PCSK5: variants seen among roughly 807,000 people sequenced by gnomAD.
The protein encoded by PCSK5 is prohormone convertase 5.
PCSK5 carries 129 observed loss-of-function variants against 233.2 expected under a neutral mutation model. The observed-to-expected ratio is 0.55, with a 90% CI of 0.48 to 0.64. The LOEUF is 0.64. Among genes scored for constraint, PCSK5 ranks in the 30% least tolerant of loss-of-function variants. The probability of loss-of-function intolerance (pLI) is 0.00; values close to 1 mark genes in which losing one functional copy is unlikely to be tolerated. For synonymous variants in PCSK5, 825 were observed against 879.2 expected, an observed-to-expected ratio of 0.94 and a Z score of 1.09; for missense variants, 2,076 against 2,430.1, an observed-to-expected ratio of 0.85 and a Z score of 3.06.
chr9:76,193,581 T>G, intron 20 of PCSK5: 1 of 445,038 alleles, frequency 2.2e-6, no homozygotes. Context: ...CTTTTATAAC[T>G]GGGTGTTTAG....
intron 30 of PCSK5, among the ~76,000 whole-genome samples, chr9:76,315,940 T>G (rs140723062): frequency 0.091 from 13,289 of 145,352 alleles, 810 homozygotes; most frequent in African/African-American, 0.18. Context: ...TTTTTTTTTT[T>G]TTTTTTTTTT....
At chr9:76,136,987 T>TA (rs1470079399) in intron 10 of PCSK5, among the ~76,000 whole-genome samples, 1 of 152,042 alleles carries the variant, frequency 6.6e-6, no homozygotes, top group Admixed American at 6.6e-5. Flanking sequence ...CCAACCTCCT[T>TA]ACATTTCTTC....
chr9:75,966,259 T>C (rs1825581657), intron 2 of PCSK5, among the ~76,000 whole-genome samples: 1 of 152,230 alleles, frequency 6.6e-6, no homozygotes, highest in Non-Finnish European at 1.5e-5. Context: ...GAAGTCAATC[T>C]TGACAGATTG....
intron 20 of PCSK5, among the ~76,000 whole-genome samples, chr9:76,221,142 G>A (rs1202941378): frequency 6.6e-6 from 1 of 152,208 alleles, no homozygotes; most frequent in Non-Finnish European, 1.5e-5. Context: ...ACATGGAATT[G>A]CCTTTTAAAG....
Position 76,338,223 on chromosome 9 carries a change from G to A in PCSK5, c.4749-7G>A. ...CTATTCCATCTTTTCTTCTCCTTTG[G>A]TTTCAGATATTACGCAGACAACTCC... is the stretch of plus-strand genomic sequence containing the variant. On this transcript the variant is annotated splice_region_variant and splice_polypyrimidine_tract_variant and intron_variant, in intron 34 of 37. Coordinates refer to ENST00000674117, the MANE Select transcript of PCSK5 (RefSeq NM_001372043.1). The A allele has an allele frequency of 1.1e-5, 17 of 1,604,824 alleles. No individual in the cohort carries two copies. The highest frequency in any genetic ancestry group is 1.4e-5 in the Non-Finnish European group (16 of 1,174,510).
At chr9:76,263,291 G>A (rs558764514) in intron 24 of PCSK5, among the ~76,000 whole-genome samples, 40 of 152,282 alleles carry the variant, frequency 2.6e-4, no homozygotes, top group Admixed American at 8.5e-4. Flanking sequence ...TATAACCAAA[G>A]GACTATAAAT....
At chr9:76,211,445 T>C (rs1825325551) in intron 20 of PCSK5, among the ~76,000 whole-genome samples, 2 of 152,198 alleles carry the variant, frequency 1.3e-5, no homozygotes, top group African/African-American at 4.8e-5. Context: ...ATTATTAGCT[T>C]CTTCATCTGT....
rs1830423640 is a variant in PCSK5 at position 76,361,024 on chromosome 9, A to C, written c.*2102A>C. 6.6e-6 allele frequency: 1 copy of C among 152,178 alleles called. No homozygotes were observed. Among genetic ancestry groups the C allele is most frequent in the Non-Finnish European group, 1.5e-5 (1 of 68,038 alleles). 9.4% of individuals were successfully genotyped at this position (152,178 alleles called of 1,614,324 possible). On this transcript the variant is annotated 3_prime_UTR_variant, in exon 38 of 38. Transcript: ENST00000674117. ...GAGATCATACATGTACATGTATGAT[A>C]TGCCTCCAAAAATTTTGATCATTTA... is the stretch of plus-strand genomic sequence containing the variant.
At chr9:76,147,309 A>G (rs1335381279) in intron 10 of PCSK5, among the ~76,000 whole-genome samples, 1 of 152,240 alleles carries the variant, frequency 6.6e-6, no homozygotes, top group Non-Finnish European at 1.5e-5. Flanking sequence ...TGGGATAACC[A>G]TATAAAAAGA....
At chr9:75,947,863 A>G (rs367826116) in intron 2 of PCSK5, among the ~76,000 whole-genome samples, 2 of 152,272 alleles carry the variant, frequency 1.3e-5, no homozygotes, top group East Asian at 1.9e-4. Context: ...TATTTTAGAG[A>G]CAGGGCCTCA....
chr9:76,149,495 G>A lies in PCSK5; in HGVS notation c.1313-7550G>A, dbSNP rs555035590. Reference sequence around the variant, plus strand: ...AAATTAAATAAAGAATTATCTAAAAGTAATATGTAAATAATCCACAAATAG... The same window carrying A: ...AAATTAAATAAAGAATTATCTAAAAATAATATGTAAATAATCCACAAATAG... On this transcript the variant is annotated intron_variant, in intron 10 of 37. Transcript: ENST00000674117. Among the ~76,000 whole-genome samples the A allele has an allele frequency of 1.6e-4, 24 of 152,268 alleles. No individual in the cohort carries two copies. The East Asian group carries it at 4.6e-3, about 29-fold the overall frequency.
intron 5 of PCSK5, among the ~76,000 whole-genome samples, chr9:76,066,094 T>G (rs1830276727): frequency 6.6e-6 from 1 of 152,176 alleles, no homozygotes; most frequent in Admixed American, 6.5e-5. Flanking sequence ...TTATTTTGCT[T>G]GGGATTGTTT....
In PCSK5 at chr9:76,188,418, A is replaced by G. The variant is rs375900033; in HGVS notation, c.2283-160A>G. Among the ~76,000 whole-genome samples the G allele has an allele frequency of 3.9e-5, 6 of 151,954 alleles. No homozygotes were observed. In the East Asian group the frequency reaches 5.8e-4, roughly 15 times the overall value. On this transcript the variant is annotated intron_variant, in intron 17 of 37. Coordinates refer to ENST00000674117, the MANE Select transcript of PCSK5 (RefSeq NM_001372043.1). Reference sequence around the variant, plus strand: ...GAAGCATTATAAGCATTGAGAGGAGAAAAAAAAGGGTACACGGGCTATTTC... The same window carrying G: ...GAAGCATTATAAGCATTGAGAGGAGGAAAAAAAGGGTACACGGGCTATTTC...
At chr9:76,027,701 A>G (rs1828488723) in intron 5 of PCSK5, among the ~76,000 whole-genome samples, 1 of 152,086 alleles carries the variant, frequency 6.6e-6, no homozygotes, top group Admixed American at 6.6e-5. Flanking sequence ...TCAGGCAAGT[A>G]AGAGAGAATG....
chr9:76,196,748 T>C (rs1564101346), intron 20 of PCSK5, among the ~76,000 whole-genome samples: 1 of 152,230 alleles, frequency 6.6e-6, no homozygotes, highest in Non-Finnish European at 1.5e-5. Context: ...GTGGATATGT[T>C]CTCTCTCAAT....
At chr9:76,078,286 C>T (rs4388512) in intron 7 of PCSK5, among the ~76,000 whole-genome samples, 104,058 of 152,066 alleles carry the variant, frequency 0.68, 35,915 homozygotes, top group South Asian at 0.78. Flanking sequence ...TTTAATTAGA[C>T]CCAACTTATC....
At chr9:76,163,871 TTTTTTTTTC>T (rs1221305015) in intron 12 of PCSK5, among the ~76,000 whole-genome samples, 1 of 123,548 alleles carries the variant, frequency 8.1e-6, no homozygotes, top group East Asian at 2.1e-4. Flanking sequence ...TTTTTTTTTT[TTTTTTTTTC>T]CTGAATCTCC....
intron 9 of PCSK5, among the ~76,000 whole-genome samples, chr9:76,132,276 G>T (rs1417625474): frequency 6.6e-6 from 1 of 152,030 alleles, no homozygotes; most frequent in Non-Finnish European, 1.5e-5. Context: ...CCTGCTCCTG[G>T]ATTCCACCAA....
At chr9:75,891,531 G>GCACACACACACACA (rs34768107) in intron 1 of PCSK5, among the ~76,000 whole-genome samples, 158 bp downstream of exon 1, 1 of 148,686 alleles carries the variant, frequency 6.7e-6, no homozygotes, top group African/African-American at 2.5e-5. Context: ...GCGCGCGTAC[G>GCACACACACACACA]CACACACACA....
Sources: allele counts gnomAD v4.1 joint callset (sites outside exome capture counted in the v4.1 genomes callset), GRCh38; gene constraint gnomAD v4.1.1; transcripts MANE v1.5; gene names NCBI Gene and HGNC (gene_info 2026-07-23, HGNC 2026-07-21).